The following ATL2 variants were observed in gnomAD, a reference collection of about 807,000 sequenced individuals.
The protein encoded by ATL2 is atlastin-2.
In ATL2, 31 loss-of-function variants were observed where a neutral mutation model predicts 73.9. The ratio of observed to expected loss-of-function variants is 0.42; its 90% CI spans 0.32 to 0.57. The LOEUF (loss-of-function observed/expected upper bound fraction) is 0.57. Ranked by LOEUF, ATL2 falls within the 20% of genes least tolerant of loss-of-function variation. ATL2 has a pLI of 0.14. For synonymous variants in ATL2, 291 were observed against 237.5 expected, an observed-to-expected ratio of 1.23 and a Z score of -2.07; for missense variants, 738 against 702.6, an observed-to-expected ratio of 1.05 and a Z score of -0.57.
At chr2:38,343,656 C>A in intron 1 of ATL2, 144 bp from the exon 2 acceptor site, 1 of 751,774 alleles carries the variant, frequency 1.3e-6, no homozygotes, top group Non-Finnish European at 2.1e-6. Context: ...TTGGATTTCT[C>A]ACTCCCTCTG....
At chr2:38,376,879 G>A (rs1342127869) in intron 1 of ATL2, among the ~76,000 whole-genome samples, 5 of 150,558 alleles carry the variant, frequency 3.3e-5, no homozygotes, top group Non-Finnish European at 7.4e-5. Context: ...GCGGGCAGGG[G>A]GCCGGGCCGG....
At position 38,314,519 on chromosome 2, in the gene ATL2, A is replaced by C. The variant is rs558159219; in HGVS notation, c.711+89T>G. The C allele has an allele frequency of 9.4e-5, 80 of 855,334 alleles. No individual in the cohort carries two copies. In the South Asian group the frequency reaches 1.2e-3, roughly 13 times the overall value. 53.0% of individuals were successfully genotyped at this position (855,334 alleles called of 1,614,324 possible). A position where few individuals can be genotyped will look rare whatever the true frequency, so the allele number is the denominator to read the frequency against. Reference sequence around the variant, plus strand: ...CTGTTGCTAGCAATGAGTCTATTGTAATATCCTGGTGTCTCCAAAATTACA... The same window carrying C: ...CTGTTGCTAGCAATGAGTCTATTGTCATATCCTGGTGTCTCCAAAATTACA... On this transcript the variant is annotated intron_variant, in intron 6 of 12. Coordinates refer to ENST00000378954, the MANE Select transcript of ATL2 (RefSeq NM_001135673.4).
intron 1 of ATL2, among the ~76,000 whole-genome samples, chr2:38,374,010 G>A (rs1671829119): frequency 6.6e-6 from 1 of 152,120 alleles, no homozygotes; most frequent in Non-Finnish European, 1.5e-5. Flanking sequence ...TCCTGCCTCA[G>A]CCTCCTAAAT....
chr2:38,309,287 AAAAT>A (rs1573445871), intron 9 of ATL2, 88 bp downstream of exon 9: 2 of 1,261,578 alleles, frequency 1.6e-6, no homozygotes, highest in East Asian at 5.0e-5. Flanking sequence ...TTTTTGTTTT[AAAAT>A]AAAGACAAGA....
intron 1 of ATL2, among the ~76,000 whole-genome samples, chr2:38,367,412 G>C (rs1277457786): frequency 1.3e-5 from 2 of 151,030 alleles, no homozygotes; most frequent in African/African-American, 4.8e-5. Flanking sequence ...GAACATCCTG[G>C]CTAACACGGT....
chr2:38,312,368 G>GT (rs1328432548), intron 7 of ATL2, among the ~76,000 whole-genome samples: 4 of 150,810 alleles, frequency 2.7e-5, no homozygotes, highest in Non-Finnish European at 4.4e-5. Flanking sequence ...TTGTTAAAAA[G>GT]TATGTGGCAC....
intron 2 of ATL2, among the ~76,000 whole-genome samples, chr2:38,337,929 C>A (rs936080322): frequency 1.3e-5 from 2 of 152,122 alleles, no homozygotes; most frequent in Non-Finnish European, 2.9e-5. Flanking sequence ...CATTACTTAG[C>A]ATCAATATCG....
At chr2:38,348,614 A>G (rs1368567951) in intron 1 of ATL2, among the ~76,000 whole-genome samples, 1 of 151,934 alleles carries the variant, frequency 6.6e-6, no homozygotes, top group African/African-American at 2.4e-5. Flanking sequence ...AGAAAGCATT[A>G]GTTGGTTTTT....
At chr2:38,322,993 A>G (rs1238390447) in intron 2 of ATL2, among the ~76,000 whole-genome samples, 1 of 152,254 alleles carries the variant, frequency 6.6e-6, no homozygotes, top group South Asian at 2.1e-4. Flanking sequence ...CAGCTTTCAT[A>G]AAATACAGTC....
intron 9 of ATL2, among the ~76,000 whole-genome samples, chr2:38,302,394 C>T (rs1291534127): frequency 6.6e-6 from 1 of 152,072 alleles, no homozygotes; most frequent in Non-Finnish European, 1.5e-5. Flanking sequence ...ATCTCTGGAC[C>T]CACCCAAGGC....
intron 2 of ATL2, among the ~76,000 whole-genome samples, chr2:38,333,019 T>C (rs2148464880): frequency 6.6e-6 from 1 of 150,438 alleles, no homozygotes; most frequent in South Asian, 2.1e-4. Context: ...GAGTGAGACT[T>C]GATCTGAAAA....
intron 1 of ATL2, among the ~76,000 whole-genome samples, chr2:38,345,032 T>TA (rs928883391): frequency 5.3e-5 from 8 of 152,066 alleles, no homozygotes; most frequent in South Asian, 2.1e-4. Flanking sequence ...TGTTCTTCTT[T>TA]AAAAAAAACA....
At chr2:38,310,799 G>A (rs745433867) in intron 7 of ATL2, among the ~76,000 whole-genome samples, 5 of 151,726 alleles carry the variant, frequency 3.3e-5, no homozygotes, top group Non-Finnish European at 5.9e-5. Flanking sequence ...CACCATGCCC[G>A]GCTAATTTTG....
In ATL2 at chr2:38,376,211, A is replaced by G. The variant is rs754046930; in HGVS notation, c.118+932T>C. 32 of 1,509,070 alleles carry G rather than the reference A, an allele frequency of 2.1e-5. No individual in the cohort carries two copies. In the African/African-American group the frequency reaches 3.1e-4, roughly 15 times the overall value. 93.5% of individuals were successfully genotyped at this position (1,509,070 alleles called of 1,614,324 possible). On this transcript the variant is annotated intron_variant, in intron 1 of 12. Coordinates refer to ENST00000378954, the MANE Select transcript of ATL2 (RefSeq NM_001135673.4). The stretch of plus-strand genomic sequence containing the variant: ...TTTCAATCAGGATTTCATGCGATCA[A>G]TTCGCACCACAGTGAGAGATCAAAC...
chr2:38,369,641 A>C (rs1671551019), intron 1 of ATL2, among the ~76,000 whole-genome samples: 1 of 151,540 alleles, frequency 6.6e-6, no homozygotes, highest in South Asian at 2.1e-4. Flanking sequence ...AGTCCCAGCT[A>C]CTCAGGAGAC....
chr2:38,376,321 C>G (rs891680718), intron 1 of ATL2: 1 of 1,214,292 alleles, frequency 8.2e-7, no homozygotes, highest in Non-Finnish European at 1.1e-6. Flanking sequence ...GGGGCAGGGG[C>G]GCTCCTGGTA....
intron 1 of ATL2, among the ~76,000 whole-genome samples, chr2:38,344,202 A>T (rs1278195636): frequency 8.0e-6 from 1 of 125,172 alleles, no homozygotes; most frequent in East Asian, 1.9e-4. Context: ...ATGCACACAT[A>T]AACTAAAGAG....
intron 8 of ATL2, among the ~76,000 whole-genome samples, 168 bp downstream of exon 8, chr2:38,310,141 C>T (rs994937014): frequency 6.6e-6 from 1 of 152,198 alleles, no homozygotes; most frequent in Non-Finnish European, 1.5e-5. Context: ...GCAAACAAAT[C>T]AATGGAATGC....
At chr2:38,356,070 A>C (rs974081192) in intron 1 of ATL2, among the ~76,000 whole-genome samples, 1 of 152,068 alleles carries the variant, frequency 6.6e-6, no homozygotes, top group Non-Finnish European at 1.5e-5. Flanking sequence ...AGAATATAGA[A>C]TAGACAACCC....
Sources: allele counts gnomAD v4.1 joint callset (sites outside exome capture counted in the v4.1 genomes callset), GRCh38; gene constraint gnomAD v4.1.1; transcripts MANE v1.5; gene names NCBI Gene and HGNC (gene_info 2026-07-23, HGNC 2026-07-21).